The following MITF variants were observed in gnomAD, a reference collection of about 807,000 sequenced individuals.
MITF encodes microphthalmia-associated transcription factor.
Under a neutral mutation model 60.5 loss-of-function variants are expected in MITF, and 17 were observed. That is an observed-to-expected ratio of 0.28 (90% confidence interval 0.19 to 0.42). The LOEUF is 0.42. Ranked by LOEUF, MITF falls within the 10% of genes least tolerant of loss-of-function variation. The pLI is 1.00. For missense variants in MITF, 622 were observed against 683.5 expected (o/e 0.91, Z 1.00); for synonymous variants, 260 against 248.5 (o/e 1.05, Z -0.43).
intron 1 of MITF, among the ~76,000 whole-genome samples, chr3:69,742,163 C>G (rs1161206937): frequency 1.3e-5 from 2 of 151,942 alleles, no homozygotes; most frequent in Non-Finnish European, 2.9e-5. Flanking sequence ...ATAGTAGCCA[C>G]AATGTTCCTG....
intron 1 of MITF, among the ~76,000 whole-genome samples, chr3:69,867,920 G>A (rs1559684687): frequency 6.6e-6 from 1 of 152,146 alleles, no homozygotes. Flanking sequence ...GACAAAACTT[G>A]TTCACTGAGT....
chr3:69,763,526 A>G, intron 1 of MITF: 2 of 1,099,464 alleles, frequency 1.8e-6, no homozygotes, highest in Non-Finnish European at 1.1e-6. Context: ...TCCTGCTGCC[A>G]AGGATCCTGT....
chr3:69,785,365 T>C (rs1262584596), intron 1 of MITF, among the ~76,000 whole-genome samples: 2 of 152,172 alleles, frequency 1.3e-5, no homozygotes, highest in African/African-American at 4.8e-5. Flanking sequence ...GTACCTTCTG[T>C]GCACTATCTC....
At chr3:69,906,126 A>G (rs187340689) in intron 2 of MITF, among the ~76,000 whole-genome samples, 2 of 152,302 alleles carry the variant, frequency 1.3e-5, no homozygotes, top group African/African-American at 4.8e-5. Flanking sequence ...ATTTTGAGTT[A>G]ATTTTTATAT....
intron 1 of MITF, among the ~76,000 whole-genome samples, chr3:69,842,133 T>C (rs1213377188): frequency 6.6e-6 from 1 of 152,192 alleles, no homozygotes; most frequent in South Asian, 2.1e-4. Flanking sequence ...CTAGCAAAAT[T>C]CATTTTTTCA....
intron 1 of MITF, among the ~76,000 whole-genome samples, chr3:69,871,332 C>A (rs145307535): frequency 6.6e-6 from 1 of 152,332 alleles, no homozygotes; most frequent in African/African-American, 2.4e-5. Flanking sequence ...CTGAGTTAGT[C>A]TTTGTGACCA....
At chr3:69,902,282 T>C (rs902514729) in intron 2 of MITF, among the ~76,000 whole-genome samples, 4 of 152,120 alleles carry the variant, frequency 2.6e-5, no homozygotes, top group African/African-American at 9.7e-5. Flanking sequence ...ATTTTTCCCA[T>C]TTACATAAAT....
intron 1 of MITF, among the ~76,000 whole-genome samples, chr3:69,766,205 G>A (rs2062289261): frequency 6.6e-6 from 1 of 151,452 alleles, no homozygotes; most frequent in South Asian, 2.1e-4. Context: ...GGTTTTGTTT[G>A]TCATTTTATC....
chr3:69,849,131 A>ATTTTTTTTT (rs1237711032), intron 1 of MITF, among the ~76,000 whole-genome samples: 2 of 150,690 alleles, frequency 1.3e-5, no homozygotes, highest in Non-Finnish European at 3.0e-5. Context: ...CGCCCGGCTA[A>ATTTTTTTTT]TTTTTTGTAT....
chr3:69,739,516 G>C lies in MITF; in HGVS notation c.-82G>C. 1 of 1,308,092 alleles carries C rather than the reference G, an allele frequency of 7.6e-7. No individual in the cohort carries two copies. The highest frequency in any genetic ancestry group is 2.5e-5 in the East Asian group (1 of 39,684). 81.0% of individuals were successfully genotyped at this position (1,308,092 alleles called of 1,614,324 possible). On this transcript the variant is annotated 5_prime_UTR_variant, in exon 1 of 10. Coordinates refer to ENST00000352241, the MANE Select transcript of MITF (RefSeq NM_001354604.2). ...CACTGCGCCGGGGCGCACGGCTCGG[G>C]GGACCCAGGCCCAGCTACCTTCCCT...
intron 2 of MITF, among the ~76,000 whole-genome samples, chr3:69,929,605 T>G (rs969756199): frequency 1.3e-5 from 2 of 152,206 alleles, no homozygotes; most frequent in African/African-American, 4.8e-5. Flanking sequence ...TTTGTTTTTT[T>G]TTCTCAGAAA....
At chr3:69,821,585 T>C (rs1216371833) in intron 1 of MITF, among the ~76,000 whole-genome samples, 1 of 146,598 alleles carries the variant, frequency 6.8e-6, no homozygotes, top group African/African-American at 2.5e-5. Flanking sequence ...TTTCCTTCAA[T>C]AGGATCAAAT....
At chr3:69,873,031 T>C (rs1367925952) in intron 1 of MITF, among the ~76,000 whole-genome samples, 1 of 151,644 alleles carries the variant, frequency 6.6e-6, no homozygotes, top group Non-Finnish European at 1.5e-5. Flanking sequence ...ACCTGGAGTA[T>C]TTATTATCTG....
At chr3:69,780,873 G>A (rs1474260495) in intron 1 of MITF, among the ~76,000 whole-genome samples, 1 of 152,198 alleles carries the variant, frequency 6.6e-6, no homozygotes, top group African/African-American at 2.4e-5. Flanking sequence ...CAGATTCACT[G>A]TGGGAAGGGA....
At chr3:69,882,836 G>A (rs1020459143) in intron 2 of MITF, among the ~76,000 whole-genome samples, 6 of 152,098 alleles carry the variant, frequency 3.9e-5, no homozygotes, top group African/African-American at 1.4e-4. Flanking sequence ...AGCACTGGTC[G>A]CTCTCATCCT....
intron 1 of MITF, among the ~76,000 whole-genome samples, chr3:69,816,034 C>A (rs187046887): frequency 6.6e-6 from 1 of 152,320 alleles, no homozygotes; most frequent in Admixed American, 6.5e-5. Context: ...CAGGTTGGAA[C>A]TTGAATGTTT....
At chr3:69,880,911 T>C (rs1196651212) in intron 2 of MITF, among the ~76,000 whole-genome samples, 1 of 152,034 alleles carries the variant, frequency 6.6e-6, no homozygotes, top group African/African-American at 2.4e-5. Context: ...TATATCCAAC[T>C]GAAGGTAATG....
chr3:69,830,306 C>A (rs529786867), intron 1 of MITF, among the ~76,000 whole-genome samples: 336 of 152,284 alleles, frequency 2.2e-3, no homozygotes, highest in Admixed American at 5.0e-3. Context: ...GGCCTCCTCA[C>A]TCTTGCCCAG....
At chr3:69,756,726 GT>G (rs1291160899) in intron 1 of MITF, among the ~76,000 whole-genome samples, 8 of 152,148 alleles carry the variant, frequency 5.3e-5, no homozygotes, top group Non-Finnish European at 4.4e-5. Flanking sequence ...ATCCACAATG[GT>G]TGAACTAACT....
Sources: allele counts gnomAD v4.1 joint callset (sites outside exome capture counted in the v4.1 genomes callset), GRCh38; gene constraint gnomAD v4.1.1; transcripts MANE v1.5; gene names NCBI Gene and HGNC (gene_info 2026-07-23, HGNC 2026-07-21).